Variants in NRDC observed in about 807,000 individuals in gnomAD.
NRDC encodes the protein nardilysin.
A neutral mutation model predicts 147.1 loss-of-function variants in NRDC; 54 were observed. The observed-to-expected ratio is 0.37, with a 90% CI of 0.29 to 0.46. The LOEUF is 0.46. Ranked by LOEUF, NRDC falls within the 20% of genes least tolerant of loss-of-function variation. NRDC has a pLI of 1.00. For missense variants in NRDC, 1,082 were observed against 1,370.6 expected (o/e 0.79, Z 3.33); for synonymous variants, 440 against 482.1 (o/e 0.91, Z 1.14).
At chr1:51,865,045 A>C (rs951703572) in intron 1 of NRDC, among the ~76,000 whole-genome samples, 1 of 152,076 alleles carries the variant, frequency 6.6e-6, no homozygotes, top group Non-Finnish European at 1.5e-5. Flanking sequence ...AAGATCAATA[A>C]CTGATTCAAT....
chr1:51,806,736 A>G, intron 18 of NRDC, 58 bp downstream of exon 18: 1 of 1,505,580 alleles, frequency 6.6e-7, no homozygotes, highest in Non-Finnish European at 9.1e-7. Context: ...TGTGAAACAG[A>G]GCATCTAAAG....
intron 7 of NRDC, among the ~76,000 whole-genome samples, chr1:51,823,137 A>C (rs1277841334): frequency 6.6e-6 from 1 of 152,198 alleles, no homozygotes; most frequent in Admixed American, 6.5e-5. Flanking sequence ...GAAAATAGAG[A>C]TATTCATCAG....
chr1:51,791,745 G>C (rs1282150975), intron 26 of NRDC, 84 bp from the exon 27 acceptor site: 1 of 1,117,120 alleles, frequency 9.0e-7, no homozygotes, highest in African/African-American at 1.5e-5. Context: ...AGTGGGAAAA[G>C]TTTCTGCCCA....
chr1:51,802,357 A>G (rs766710826), intron 20 of NRDC, among the ~76,000 whole-genome samples: 2 of 152,240 alleles, frequency 1.3e-5, no homozygotes, highest in African/African-American at 4.8e-5. Context: ...AGTTTTCTAT[A>G]CATACATACA....
intron 1 of NRDC, among the ~76,000 whole-genome samples, chr1:51,875,811 C>A (rs1336787635): frequency 1.3e-5 from 2 of 152,174 alleles, no homozygotes; most frequent in Non-Finnish European, 2.9e-5. Context: ...AACACGGCCC[C>A]CCAAGTGCTG....
chr1:51,810,683 A>G (rs954940124), intron 15 of NRDC, among the ~76,000 whole-genome samples: 6 of 152,244 alleles, frequency 3.9e-5, no homozygotes, highest in African/African-American at 1.4e-4. Context: ...AGCAGTAAAA[A>G]TAGCTATCCT....
At chr1:51,791,241 G>C (rs1424069993) in intron 27 of NRDC, among the ~76,000 whole-genome samples, 1 of 152,132 alleles carries the variant, frequency 6.6e-6, no homozygotes, top group Non-Finnish European at 1.5e-5. Context: ...TCACAACCAT[G>C]TATGACCATT....
intron 30 of NRDC, 21 bp downstream of exon 30, chr1:51,789,547 G>T (rs375834275): frequency 6.9e-6 from 11 of 1,601,636 alleles, no homozygotes; most frequent in Admixed American, 5.0e-5. Context: ...AGAATGGATG[G>T]AGTTAGTTAA....
At chr1:51,864,406 C>A (rs1376320604) in intron 1 of NRDC, among the ~76,000 whole-genome samples, 1 of 152,132 alleles carries the variant, frequency 6.6e-6, no homozygotes, top group Non-Finnish European at 1.5e-5. Flanking sequence ...ACTAGTAGAA[C>A]TGTATTACCA....
At chr1:51,837,317 C>T in intron 2 of NRDC, 1 of 500,736 alleles carries the variant, frequency 2.0e-6, no homozygotes, top group African/African-American at 2.0e-5. Context: ...TAAAGTCTAG[C>T]CATGTGTCAG....
At chr1:51,848,099 A>G (rs1681744384) in intron 1 of NRDC, among the ~76,000 whole-genome samples, 4 of 152,258 alleles carry the variant, frequency 2.6e-5, no homozygotes, top group Admixed American at 6.5e-5. Flanking sequence ...AGTCATGAAC[A>G]AAATGTCCTT....
At chr1:51,796,591 CT>C (rs10716980) in intron 22 of NRDC, among the ~76,000 whole-genome samples, 125,735 of 143,260 alleles carry the variant, frequency 0.88, 56,263 homozygotes, top group Non-Finnish European at 0.97. Flanking sequence ...ATAATCTCAA[CT>C]TTTTTTTTTT....
Position 51,814,592 on chromosome 1 carries a change from A to G in NRDC, c.1578T>C (p.Phe526=), listed in dbSNP as rs1679874736. The change falls in exon 13 of 31, where the codon TTT becomes TTC. Residue 526 remains phenylalanine (F), a synonymous_variant. Transcript: ENST00000352171. ...EHFYEVAYTV[F]QYLKMLQKLG... is the part of the protein sequence containing the mutation. ...GCTTCTGCAGCATTTTTAAATACTG[A>G]AAGACAGTGTAAGCAACCTGAAAAC... The G allele has an allele frequency of 6.2e-7, 1 of 1,613,528 alleles. No homozygotes were observed. The highest frequency in any genetic ancestry group is 1.1e-5 in the South Asian group (1 of 91,072).
intron 27 of NRDC, 93 bp downstream of exon 27, chr1:51,791,485 G>T: frequency 1.0e-6 from 1 of 976,708 alleles, no homozygotes; most frequent in Non-Finnish European, 1.6e-6. Flanking sequence ...AAACCTGCTT[G>T]GTCAGGGTTG....
intron 8 of NRDC, among the ~76,000 whole-genome samples, chr1:51,820,156 C>G (rs1402417197): frequency 6.6e-6 from 1 of 152,266 alleles, no homozygotes; most frequent in African/African-American, 2.4e-5. Context: ...CTCTATCAGC[C>G]TCATTTAATT....
intron 10 of NRDC, 40 bp downstream of exon 10, chr1:51,818,026 A>C: frequency 6.8e-7 from 1 of 1,463,134 alleles, no homozygotes; most frequent in Non-Finnish European, 9.5e-7. Context: ...AATTACTCTC[A>C]CTTGGTTCTA....
intron 25 of NRDC, 41 bp downstream of exon 25, chr1:51,792,336 A>G: frequency 6.8e-6 from 11 of 1,605,916 alleles, no homozygotes; most frequent in Non-Finnish European, 9.4e-6. Context: ...ATAGTGGGTC[A>G]GGGGCTGCTG....
At chr1:51,800,298 A>G (rs1679131484) in intron 21 of NRDC, among the ~76,000 whole-genome samples, 1 of 152,138 alleles carries the variant, frequency 6.6e-6, no homozygotes, top group Non-Finnish European at 1.5e-5. Flanking sequence ...TTTAACATTC[A>G]GGTATAATGA....
chr1:51,850,362 A>G (rs1681888300), intron 1 of NRDC, among the ~76,000 whole-genome samples: 1 of 152,174 alleles, frequency 6.6e-6, no homozygotes, highest in African/African-American at 2.4e-5. Flanking sequence ...TGCTCAAACA[A>G]TAGGCTACTC....
Sources: gnomAD v4.1 joint callset for allele counts (sites outside exome capture counted in the v4.1 genomes callset) on GRCh38, gnomAD v4.1.1 for gene constraint, MANE v1.5 for transcripts, NCBI Gene and HGNC (gene_info 2026-07-23, HGNC 2026-07-21) for gene names.